The following ABCC4 variants were observed in gnomAD, a reference collection of about 807,000 sequenced individuals.
ABCC4 encodes ATP-binding cassette sub-family C member 4.
In ABCC4, 102 loss-of-function variants were observed where a neutral mutation model predicts 168.5. The observed-to-expected ratio is 0.61, with a 90% confidence interval of 0.52 to 0.71. The LOEUF (loss-of-function observed/expected upper bound fraction) is 0.71. Among genes scored for constraint, ABCC4 ranks in the 30% least tolerant of loss-of-function variants. ABCC4 has a pLI of 0.00. For missense variants in ABCC4, 1,402 were observed against 1,605.8 expected, an observed-to-expected ratio of 0.87 and a Z score of 2.17; for synonymous variants, 617 against 590.7, an observed-to-expected ratio of 1.04 and a Z score of -0.65.
chr13:95,240,392 A>G (rs56006947), intron 3 of ABCC4, among the ~76,000 whole-genome samples: 44,394 of 151,534 alleles, frequency 0.29, 7,077 homozygotes, highest in Non-Finnish European at 0.35. Context: ...TTACCCGGGC[A>G]TGGTGGCAGA....
chr13:95,110,969 G>GAA (rs758996653), intron 20 of ABCC4, among the ~76,000 whole-genome samples: 5 of 38,382 alleles, frequency 1.3e-4, no homozygotes, highest in Non-Finnish European at 1.6e-4. Flanking sequence ...CCCTGTTTCA[G>GAA]AAAAAAAAAA....
chr13:95,212,100 G>C (rs930986191), intron 4 of ABCC4, among the ~76,000 whole-genome samples: 1 of 150,926 alleles, frequency 6.6e-6, no homozygotes, highest in Non-Finnish European at 1.5e-5. Flanking sequence ...CACTTGAACC[G>C]GGAGGCAGGG....
chr13:95,102,384 G>A (rs751569517), intron 20 of ABCC4, among the ~76,000 whole-genome samples: 9 of 152,042 alleles, frequency 5.9e-5, no homozygotes, highest in Non-Finnish European at 5.9e-5. Context: ...GGGTTCAAGA[G>A]TTCTTTCCAG....
chr13:95,251,271 T>C (rs1329965631), intron 1 of ABCC4, among the ~76,000 whole-genome samples: 4 of 152,164 alleles, frequency 2.6e-5, no homozygotes, highest in African/African-American at 4.8e-5. Flanking sequence ...CTCTCTCCTT[T>C]TGTCCCCTTT....
In ABCC4 at chr13:95,299,646, C is replaced by T. The variant is rs548726662; in HGVS notation, c.74+1595G>A. 3.2e-4 allele frequency among the ~76,000 whole-genome samples: 49 copies of T among 152,180 alleles called. 1 individual carries two copies. Among genetic ancestry groups the T allele is most frequent in the South Asian group, 4.1e-4 (2 of 4,820 alleles). On this transcript the variant is annotated intron_variant, in intron 1 of 30. Coordinates refer to ENST00000645237, the MANE Select transcript of ABCC4 (RefSeq NM_005845.5). Reference sequence around the variant, plus strand: ...ATTTTATGTATGGCCCAAGACAATTCTTCCAGTGTGGCCCAGGGAACCCAA... The same window carrying T: ...ATTTTATGTATGGCCCAAGACAATTTTTCCAGTGTGGCCCAGGGAACCCAA...
chr13:95,196,713 GAA>G (rs2038461515), intron 8 of ABCC4, among the ~76,000 whole-genome samples: 1 of 97,968 alleles, frequency 1.0e-5, no homozygotes, highest in East Asian at 2.4e-4. Context: ...AGGAAGGAAG[GAA>G]GGAAGGAAGG....
intron 19 of ABCC4, among the ~76,000 whole-genome samples, chr13:95,149,476 T>C (rs987115223): frequency 1.3e-5 from 2 of 152,128 alleles, no homozygotes; most frequent in Admixed American, 6.6e-5. Flanking sequence ...AGAAGAAGAA[T>C]ACATTTATAG....
intron 19 of ABCC4, among the ~76,000 whole-genome samples, chr13:95,120,506 C>T (rs900699111): frequency 3.4e-5 from 5 of 147,204 alleles, no homozygotes; most frequent in African/African-American, 1.3e-4. Context: ...GCGGAGGTTG[C>T]CATGAGCCAA....
chr13:95,246,868 G>A, intron 3 of ABCC4, 107 bp downstream of exon 3: 1 of 1,304,980 alleles, frequency 7.7e-7, no homozygotes, highest in Non-Finnish European at 1.1e-6. Context: ...AACCCCATCT[G>A]GCCACTTCTC....
chr13:95,160,518 G>A (rs1228476497), intron 19 of ABCC4, among the ~76,000 whole-genome samples: 1 of 152,160 alleles, frequency 6.6e-6, no homozygotes, highest in Admixed American at 6.5e-5. Context: ...GTATACCTAG[G>A]AAACAAGCTA....
chr13:95,236,589 C>T (rs549574518), intron 3 of ABCC4, among the ~76,000 whole-genome samples: 4 of 26,148 alleles, frequency 1.5e-4, no homozygotes, highest in South Asian at 1.2e-3. Flanking sequence ...GGCATGTGAA[C>T]GCGCGCGTGC....
At chr13:95,289,591 G>A (rs2041341239) in intron 1 of ABCC4, among the ~76,000 whole-genome samples, 1 of 152,198 alleles carries the variant, frequency 6.6e-6, no homozygotes, top group Non-Finnish European at 1.5e-5. Flanking sequence ...TCAGCCACTG[G>A]CTGAGCACCC....
chr13:95,143,173 A>G (rs2036376392), intron 19 of ABCC4, among the ~76,000 whole-genome samples: 1 of 152,184 alleles, frequency 6.6e-6, no homozygotes, highest in Non-Finnish European at 1.5e-5. Context: ...TCTTCTGAGT[A>G]GACCACCAAG....
At chr13:95,291,494 G>C (rs557924900) in intron 1 of ABCC4, among the ~76,000 whole-genome samples, 2 of 152,278 alleles carry the variant, frequency 1.3e-5, no homozygotes, top group African/African-American at 4.8e-5. Flanking sequence ...GTGTTGATTA[G>C]TGGATCTGCC....
intron 4 of ABCC4, among the ~76,000 whole-genome samples, chr13:95,229,967 T>A (rs184881319): frequency 1.1e-4 from 16 of 152,228 alleles, no homozygotes; most frequent in Non-Finnish European, 2.1e-4. Flanking sequence ...CATCCCCTGC[T>A]TCTGTGTCCC....
rs950597993 is a variant in ABCC4 at position 95,289,746 on chromosome 13, C to A, written c.74+11495G>T. 3.3e-5 allele frequency among the ~76,000 whole-genome samples: 5 copies of A among 152,278 alleles called. 1 individual carries two copies. The highest frequency in any genetic ancestry group is 1.2e-4 in the African/African-American group (5 of 41,558). ...CAGAAATATTTTTGACTTTGGCAAG[C>A]AGTTGATCAGTGGTTCTTGGGCTTC... is the stretch of plus-strand genomic sequence containing the variant. On this transcript the variant is annotated intron_variant, in intron 1 of 30. Coordinates refer to ENST00000645237, the MANE Select transcript of ABCC4 (RefSeq NM_005845.5).
At chr13:95,274,371 TG>T (rs2040919905) in intron 1 of ABCC4, among the ~76,000 whole-genome samples, 1 of 152,320 alleles carries the variant, frequency 6.6e-6, no homozygotes, top group African/African-American at 2.4e-5. Context: ...AGCACAGCTC[TG>T]ATATGCAAAC....
At chr13:95,075,303 T>A in intron 22 of ABCC4, 129 bp downstream of exon 22, 7 of 1,225,164 alleles carry the variant, frequency 5.7e-6, no homozygotes, top group Non-Finnish European at 8.1e-6. Flanking sequence ...GAGACGAAGA[T>A]GCGCAAAAAA....
rs1008835596 is a variant in ABCC4 at position 95,148,606 on chromosome 13, A to G, written c.2455+12583T>C. Among the ~76,000 whole-genome samples, 239 of 149,856 alleles carry G rather than the reference A, an allele frequency of 1.6e-3. 4 individuals are homozygous for G. In the East Asian group the frequency reaches 0.023, roughly 14 times the overall value. ...TACCCATCACAACACACACACACAC[A>G]CACACACACACACACACACACACAC... On this transcript the variant is annotated intron_variant, in intron 19 of 30. Coordinates refer to ENST00000645237, the MANE Select transcript of ABCC4 (RefSeq NM_005845.5).
Sources: gnomAD v4.1 joint callset for allele counts (sites outside exome capture counted in the v4.1 genomes callset) on GRCh38, gnomAD v4.1.1 for gene constraint, MANE v1.5 for transcripts, NCBI Gene and HGNC (gene_info 2026-07-23, HGNC 2026-07-21) for gene names.